The following CLN8 variants were observed in gnomAD, a reference collection of about 807,000 sequenced individuals.
The protein encoded by CLN8 is CLN8 transmembrane ER and ERGIC protein.
CLN8 carries 14 observed loss-of-function variants against 15.7 expected under a neutral mutation model. The observed-to-expected ratio is 0.89, with a 90% CI of 0.59 to 1.39. The LOEUF (loss-of-function observed/expected upper bound fraction) is 1.39. CLN8 is among the 40% of genes most tolerant of loss of function. CLN8 has a pLI of 0.00. For synonymous variants in CLN8, 188 were observed against 151.0 expected (o/e 1.25, Z -1.80); for missense variants, 415 against 364.0 (o/e 1.14, Z -1.14).
chr8:1,778,373 T>C (rs917148160), intron 2 of CLN8, among the ~76,000 whole-genome samples: 3 of 152,282 alleles, frequency 2.0e-5, no homozygotes, highest in African/African-American at 7.2e-5. Context: ...TTCAATCCCA[T>C]GTCACTTAAC....
intron 1 of CLN8, among the ~76,000 whole-genome samples, chr8:1,768,775 C>T (rs1043990569): frequency 1.3e-5 from 2 of 152,182 alleles, no homozygotes; most frequent in Admixed American, 6.5e-5. Context: ...AGGGGTTCAA[C>T]GATGCCTTGC....
At chr8:1,777,352 G>A (rs1585147491) in intron 2 of CLN8, among the ~76,000 whole-genome samples, 1 of 152,306 alleles carries the variant, frequency 6.6e-6, no homozygotes, top group African/African-American at 2.4e-5. Flanking sequence ...ACAATGAGTG[G>A]TGAGTGTGAG....
Position 1,771,172 on chromosome 8 carries a change from G to A in CLN8, c.118G>A (p.Val40Met), listed in dbSNP as rs1219720791. 5.0e-6 allele frequency: 8 copies of A among 1,614,064 alleles called. No individual in the cohort carries two copies. The highest frequency in any genetic ancestry group is 6.8e-6 in the Non-Finnish European group (8 of 1,180,022). Reference sequence around the variant, plus strand: ...CTTTGTCTTCTACTTGGGCGTCTTTGTGGTCTGCCACCAGCTGTCCTCTTC... The same window carrying A: ...CTTTGTCTTCTACTTGGGCGTCTTTATGGTCTGCCACCAGCTGTCCTCTTC... ...AGFVFYLGVF[V>M]VCHQLSSSLN... Residue 40 changes from valine to methionine, a missense_variant, in exon 2 of 3, where the codon GTG (valine) becomes ATG (methionine). Transcript: ENST00000331222.
intron 1 of CLN8, among the ~76,000 whole-genome samples, chr8:1,769,797 A>G (rs1801226141): frequency 6.6e-6 from 1 of 152,144 alleles, no homozygotes; most frequent in Admixed American, 6.6e-5. Flanking sequence ...TGTTCCATAA[A>G]TGTTTCTTGA....
rs1457512721 is a variant in CLN8, at chr8:1,756,465, CAGAGTGAGAA to C, written c.-124+384_-124+393del. On this transcript the variant is annotated intron_variant, in intron 1 of 1. Transcript: ENST00000524258. ...CACCATTTCACTCCAGCTTGGGTGA[CAGAGTGAGAA>C]TCCATCTCAAAAAAAAAAAAAGAAA... 1.5e-3 allele frequency among the ~76,000 whole-genome samples: 205 copies of C among 139,760 alleles called. 1 individual carries two copies. Among genetic ancestry groups the C allele is most frequent in the African/African-American group, 5.4e-3 (199 of 37,012 alleles). 91.7% of individuals were successfully genotyped at this position (139,760 alleles called of 152,430 possible). A position where few individuals can be genotyped will look rare whatever the true frequency, so the allele number is the denominator to read the frequency against.
rs1801686237 is a variant in CLN8, at chr8:1,780,552, G to A, written c.846G>A (p.Arg282=). 3 of 1,613,974 alleles carry A rather than the reference G, an allele frequency of 1.9e-6. No individual in the cohort carries two copies. Among genetic ancestry groups the A allele is most frequent in the Non-Finnish European group, 2.5e-6 (3 of 1,179,984 alleles). The change falls in exon 3 of 3, where the codon CGG becomes CGA. Residue 282 remains arginine, a synonymous_variant. Coordinates refer to ENST00000331222, the MANE Select transcript of CLN8 (RefSeq NM_018941.4). ...CAGAAGGCAACGGGCAGCTGCTGCG[G>A]AAGAAGAGGCCATAGCTGCTCCAGC... ...SRPEGNGQLL[R]KKRP is the part of the protein sequence containing the mutation.
intron 1 of CLN8, among the ~76,000 whole-genome samples, chr8:1,765,517 A>G (rs935649006): frequency 3.9e-5 from 6 of 152,168 alleles, no homozygotes; most frequent in African/African-American, 1.2e-4. Context: ...CATTTTTACA[A>G]CCCATCAATG....
At chr8:1,761,348 G>A (rs933539088), upstream of CLN8, among the ~76,000 whole-genome samples, 5 of 151,794 alleles carry the variant, frequency 3.3e-5, no homozygotes, top group African/African-American at 9.7e-5. Context: ...TTTTTGAGAT[G>A]GAGTCTTGCT....
At chr8:1,765,607 T>C (rs568623903) in intron 1 of CLN8, among the ~76,000 whole-genome samples, 1 of 152,350 alleles carries the variant, frequency 6.6e-6, no homozygotes, top group Non-Finnish European at 1.5e-5. Flanking sequence ...TAATGCAGTA[T>C]ACAGCAGGAT....
chr8:1,775,607 T>C (rs1801480759), intron 2 of CLN8, among the ~76,000 whole-genome samples: 1 of 152,242 alleles, frequency 6.6e-6, no homozygotes, highest in African/African-American at 2.4e-5. Context: ...ATGACTACTT[T>C]CAGTAAGTGA....
chr8:1,754,461 G>T (rs1299919602), upstream of CLN8, among the ~76,000 whole-genome samples: 2 of 152,038 alleles, frequency 1.3e-5, no homozygotes, highest in East Asian at 3.9e-4. Context: ...TATTTGTTTT[G>T]AATATCTTTA....
chr8:1,758,947 C>A (rs1674439447), upstream of CLN8: 1 of 152,148 alleles, frequency 6.6e-6, no homozygotes, highest in Non-Finnish European at 1.5e-5. Flanking sequence ...TGTGGATTTT[C>A]CCCTCAAGAG....
chr8:1,759,325 G>GA (rs1258370791), upstream of CLN8: 24 of 152,172 alleles, frequency 1.6e-4, no homozygotes, highest in African/African-American at 5.6e-4. Flanking sequence ...AGGTGCAGGG[G>GA]CCACTGCAGT....
Position 1,780,351 on chromosome 8 carries a change from T to C in CLN8, c.645T>C (p.Cys215=), listed in dbSNP as rs2129015240. 6.2e-7 allele frequency: 1 copy of C among 1,614,250 alleles called. No homozygotes were observed. Among genetic ancestry groups the C allele is most frequent in the Middle Eastern group, 1.6e-4 (1 of 6,062 alleles). The change falls in exon 3 of 3, where the codon TGT becomes TGC. Residue 215 remains cysteine (C), a synonymous_variant. Transcript: ENST00000331222. ...TAACCTACCACATGTGGTGGGTGTG[T>C]TTCTGGCACTGGGACGGCCTGGTCA... ...MVLTYHMWWV[C]FWHWDGLVSS... is the part of the protein sequence containing the mutation.
upstream of CLN8, chr8:1,762,067 T>A (rs1800810741): frequency 1.3e-5 from 2 of 152,252 alleles, no homozygotes; most frequent in Non-Finnish European, 2.9e-5. Flanking sequence ...CACCCAGGAA[T>A]GAACAAGGAC....
At chr8:1,771,647 A>G in intron 2 of CLN8, 50 bp downstream of exon 2, 1 of 1,538,808 alleles carries the variant, frequency 6.5e-7, no homozygotes, top group Non-Finnish European at 8.9e-7. Context: ...GCATTTAATC[A>G]CTGGCTACAA....
chr8:1,761,012 C>CTTTTTTTTTTTTTTTTTTTTTTTTTTTTT, upstream of CLN8, among the ~76,000 whole-genome samples: 1 of 67,562 alleles, frequency 1.5e-5, no homozygotes, highest in Non-Finnish European at 2.6e-5. Flanking sequence ...CTATAGCCAT[C>CTTTTTTTTTTTTTTTTTTTTTTTTTTTTT]TTTTTTTTTT....
Position 1,771,267 on chromosome 8 carries a change from A to C in CLN8, c.213A>C (p.Ala71=), listed in dbSNP as rs763671368. The C allele has an allele frequency of 6.2e-7, 1 of 1,613,834 alleles. No homozygotes were observed. The highest frequency in any genetic ancestry group is 8.5e-7 in the Non-Finnish European group (1 of 1,179,756). The part of the protein sequence containing the change: ...KVFWDLAATR[A]VFGVQSTAAG... Reference sequence around the variant, plus strand: ...TCTGGGACCTGGCGGCCACGCGTGCAGTCTTTGGTGTTCAGAGCACAGCCG... The same window carrying C: ...TCTGGGACCTGGCGGCCACGCGTGCCGTCTTTGGTGTTCAGAGCACAGCCG... Residue 71 remains alanine, a synonymous_variant, in exon 2 of 3, where the codon GCA becomes GCC. Transcript: ENST00000331222.
intron 1 of CLN8, among the ~76,000 whole-genome samples, chr8:1,767,000 T>G (rs1257138063): frequency 6.6e-6 from 1 of 152,216 alleles, no homozygotes; most frequent in East Asian, 1.9e-4. Context: ...AGTACAACGC[T>G]GATGCCACGA....
Sources: gnomAD v4.1 joint callset for allele counts (sites outside exome capture counted in the v4.1 genomes callset) on GRCh38, gnomAD v4.1.1 for gene constraint, MANE v1.5 for transcripts, NCBI Gene and HGNC (gene_info 2026-07-23, HGNC 2026-07-21) for gene names.